Variants in ABCA5 observed in about 807,000 individuals in gnomAD.
ABCA5 encodes the protein ATP binding cassette subfamily A member 5.
A neutral mutation model predicts 206.0 loss-of-function variants in ABCA5; 163 were observed. The ratio of observed to expected loss-of-function variants is 0.79; its 90% confidence interval spans 0.70 to 0.90. ABCA5 has a LOEUF of 0.90. Among genes scored for constraint, ABCA5 ranks in the 40% least tolerant of loss-of-function variants. The pLI is 0.00. For synonymous variants in ABCA5, 609 were observed against 613.8 expected (o/e 0.99, Z 0.11); for missense variants, 1,859 against 1,912.9 (o/e 0.97, Z 0.53).
rs79372941 is a variant in ABCA5, at chr17:69,244,727, T to C, written c.*2810A>G. 211 of 151,536 alleles carry C rather than the reference T, an allele frequency of 1.4e-3. No homozygotes were observed. The highest frequency in any genetic ancestry group is 5.0e-3 in the African/African-American group (208 of 41,474). 9.4% of individuals were successfully genotyped at this position (151,536 alleles called of 1,614,324 possible). On this transcript the variant is annotated 3_prime_UTR_variant, in exon 39 of 39. Transcript: ENST00000392676. The stretch of plus-strand genomic sequence containing the variant: ...AATACAGTATGGTATTTTAACAAAC[T>C]CAGGGCACAATTAGAATGAAGTTTT...
chr17:69,307,257 T>C lies in ABCA5; in HGVS notation c.559-303A>G, dbSNP rs950381344. On this transcript the variant is annotated intron_variant, in intron 5 of 38. Coordinates refer to ENST00000392676, the MANE Select transcript of ABCA5 (RefSeq NM_172232.4). ...CACAATTATCATCTTAAGCAGACAATTATATGTATCTTAGTAAAAATATAC... is the reference window on the plus strand; with the variant it reads ...CACAATTATCATCTTAAGCAGACAACTATATGTATCTTAGTAAAAATATAC... Among the ~76,000 whole-genome samples, 12 of 152,200 alleles carry C rather than the reference T, an allele frequency of 7.9e-5. No individual in the cohort carries two copies. In the East Asian group the frequency reaches 2.3e-3, roughly 29 times the overall value.
At chr17:69,316,770 G>C (rs1402062295) in intron 1 of ABCA5, 1 of 152,166 alleles carries the variant, frequency 6.6e-6, no homozygotes, top group African/African-American at 2.4e-5. Context: ...CTTGAAAGCA[G>C]TCAGAGAACA....
In ABCA5 at chr17:69,285,943, G is replaced by A; in HGVS notation, c.2227C>T (p.Gln743Ter). 6.2e-7 allele frequency: 1 copy of A among 1,613,262 alleles called. No individual in the cohort carries two copies. The change falls in exon 17 of 39, where the codon CAA becomes TAA. Residue 743 changes from glutamine (Q) to a stop codon, truncating the protein, a stop_gained. Transcript: ENST00000392676. LOFTEE classifies it high-confidence loss of function. ...GATLLQQNDQ[Q>*]LVYSLPFKDM... ...TTGAAAGGCAAGCTATACACAAGTT[G>A]TTGGTCATTCTGTTGTAATAAAGTA...
At position 69,284,072 on chromosome 17, in the gene ABCA5, C is replaced by A. The variant is rs1344645130; in HGVS notation, c.2273G>T (p.Gly758Val). The A allele has an allele frequency of 1.3e-6, 2 of 1,548,008 alleles. No individual in the cohort carries two copies. The highest frequency in any genetic ancestry group is 2.2e-5 in the Admixed American group (1 of 45,712). The change falls in exon 18 of 39, where the codon GGT (glycine) becomes GTT (valine). Residue 758 changes from glycine to valine, a missense_variant and splice_region_variant. By Grantham distance (109) the Gly-to-Val change is moderately radical. Transcript: ENST00000392676. ...LPFKDMDKFS[G>V]LFSALDSHSN... The stretch of plus-strand genomic sequence containing the variant: ...ATGACTGTCTAGGGCAGAAAACAAA[C>A]CTAAAAGAAAAAAATGAAAGAATAG...
In ABCA5 at chr17:69,286,238, C is replaced by G. The variant is rs1567767466; in HGVS notation, c.2115G>C (p.Gly705=). The change falls in exon 16 of 39, where the codon GGG becomes GGC. Residue 705 remains glycine, a synonymous_variant. Coordinates refer to ENST00000392676, the MANE Select transcript of ABCA5 (RefSeq NM_172232.4). ...GSSMFLKSKW[G]IGYRLSMYID... ...AATGATACCTCAGGCGGTAGCCGAT[C>G]CCCCATTTACTTTTGAGGAACATTG... The G allele has an allele frequency of 3.1e-6, 5 of 1,600,170 alleles. No homozygotes were observed. The highest frequency in any genetic ancestry group is 4.3e-6 in the Non-Finnish European group (5 of 1,176,416).
chr17:69,276,918 A>C (rs902045218), intron 19 of ABCA5, among the ~76,000 whole-genome samples: 2 of 152,238 alleles, frequency 1.3e-5, no homozygotes, highest in African/African-American at 4.8e-5. Context: ...AATTTGGTCA[A>C]AGAAGAGCAT....
chr17:69,317,507 G>T lies in ABCA5; in HGVS notation c.-15-3077C>A, dbSNP rs542419550. On this transcript the variant is annotated intron_variant, in intron 1 of 38. Coordinates refer to ENST00000392676, the MANE Select transcript of ABCA5 (RefSeq NM_172232.4). Reference sequence around the variant, plus strand: ...GAAAGTCAGACTAAAAATGTCAAATGTTATATGATTCCCTTTATAGGAAAC... The same window carrying T: ...GAAAGTCAGACTAAAAATGTCAAATTTTATATGATTCCCTTTATAGGAAAC... Among the ~76,000 whole-genome samples the T allele has an allele frequency of 1.9e-3, 285 of 151,086 alleles. 1 individual carries two copies. The highest frequency in any genetic ancestry group is 3.1e-3 in the Non-Finnish European group (207 of 67,742).
At chr17:69,278,483 C>G (rs1369135432) in intron 18 of ABCA5, among the ~76,000 whole-genome samples, 2 of 152,158 alleles carry the variant, frequency 1.3e-5, no homozygotes, top group African/African-American at 4.8e-5. Context: ...CCAAATTCTG[C>G]CCTTCAACTT....
intron 3 of ABCA5, 88 bp downstream of exon 3, chr17:69,313,004 A>T: frequency 2.5e-6 from 2 of 791,106 alleles, no homozygotes; most frequent in Non-Finnish European, 3.7e-6. Context: ...TCTAAGTGTT[A>T]AGACTGCTAT....
rs1598166315 is a variant in ABCA5 at position 69,273,788 on chromosome 17, C to T, written c.2764+171G>A. 2.0e-5 allele frequency among the ~76,000 whole-genome samples: 3 copies of T among 152,150 alleles called. No homozygotes were observed. The South Asian group carries it at 6.2e-4, about 32-fold the overall frequency. ...TCATTTATTTGTAAACCAAAATTTA[C>T]TGTAATATATTCTTCAGCATCAATA... is the stretch of plus-strand genomic sequence containing the variant. On this transcript the variant is annotated intron_variant, in intron 20 of 38. Transcript: ENST00000392676.
intron 14 of ABCA5, among the ~76,000 whole-genome samples, chr17:69,288,162 CATG>C (rs1339150370): frequency 6.6e-6 from 1 of 152,022 alleles, no homozygotes; most frequent in African/African-American, 2.4e-5. Flanking sequence ...TAAAAAAGAA[CATG>C]GTGGTGGTGG....
chr17:69,262,255 CA>C (rs1352534894), intron 24 of ABCA5, among the ~76,000 whole-genome samples: 1 of 152,076 alleles, frequency 6.6e-6, no homozygotes, highest in African/African-American at 2.4e-5. Flanking sequence ...ACTTTAGAAT[CA>C]GGGGATACAT....
In ABCA5 at chr17:69,251,752, C is replaced by G. The variant is rs150696344; in HGVS notation, c.4530G>C (p.Gln1510His). Reference protein sequence around the residue: ...CDRVAIMVSGQLRCIGTVQHL... With the variant: ...CDRVAIMVSGHLRCIGTVQHL... ...CACGCTATTTAGACATCAACCTTAACTGCCCAGACACCATGATAGCTACTC... is the reference window on the plus strand; with the variant it reads ...CACGCTATTTAGACATCAACCTTAAGTGCCCAGACACCATGATAGCTACTC... Residue 1510 changes from glutamine (Q) to histidine (H), a missense_variant, in exon 35 of 39, where the codon CAG becomes CAC. Transcript: ENST00000392676. 8 of 1,612,400 alleles carry G rather than the reference C, an allele frequency of 5.0e-6. No individual in the cohort carries two copies. Among genetic ancestry groups the G allele is most frequent in the Non-Finnish European group, 6.8e-6 (8 of 1,179,698 alleles).
chr17:69,323,977 C>A (rs924915657), intron 1 of ABCA5, among the ~76,000 whole-genome samples: 1 of 152,162 alleles, frequency 6.6e-6, no homozygotes, highest in African/African-American at 2.4e-5. Flanking sequence ...CACAGCCATG[C>A]TCATTCATTT....
chr17:69,274,408 T>C (rs572628344), intron 19 of ABCA5, among the ~76,000 whole-genome samples: 3 of 151,946 alleles, frequency 2.0e-5, no homozygotes, highest in Non-Finnish European at 4.4e-5. Flanking sequence ...TTTATAGAGA[T>C]GGGGTTTCGC....
intron 36 of ABCA5, 74 bp from the exon 37 acceptor site, chr17:69,250,058 G>A: frequency 1.1e-6 from 1 of 945,374 alleles, no homozygotes; most frequent in Non-Finnish European, 1.5e-6. Context: ...AGTTCAACAT[G>A]TTTAAAATTC....
intron 26 of ABCA5, among the ~76,000 whole-genome samples, chr17:69,260,775 T>C (rs1164501475): frequency 6.6e-6 from 1 of 151,936 alleles, no homozygotes; most frequent in East Asian, 1.9e-4. Flanking sequence ...TATTTTTTCT[T>C]GGAGAAAATC....
At position 69,314,445 on chromosome 17, in the gene ABCA5, A is replaced by G; in HGVS notation, c.-15-15T>C. 2 of 1,466,334 alleles carry G rather than the reference A, an allele frequency of 1.4e-6. No individual in the cohort carries two copies. Among genetic ancestry groups the G allele is most frequent in the Non-Finnish European group, 1.9e-6 (2 of 1,056,130 alleles). The allele number at this position is 1,466,334 out of a possible 1,614,324, so 90.8% of individuals were successfully genotyped here. On this transcript the variant is annotated splice_polypyrimidine_tract_variant and intron_variant, in intron 1 of 38. Coordinates refer to ENST00000392676, the MANE Select transcript of ABCA5 (RefSeq NM_172232.4). The stretch of plus-strand genomic sequence containing the variant: ...TCTGAATAAACCTATTAAAGAGGAA[A>G]AACAAACAAACAAACCCGGAGCCAC...
At chr17:69,296,559 A>G (rs1310619102) in intron 10 of ABCA5, among the ~76,000 whole-genome samples, 1 of 152,238 alleles carries the variant, frequency 6.6e-6, no homozygotes, top group African/African-American at 2.4e-5. Flanking sequence ...TAGCATGAAC[A>G]AAATTATATA....
Sources: gnomAD v4.1 joint callset for allele counts (sites outside exome capture counted in the v4.1 genomes callset) on GRCh38, gnomAD v4.1.1 for gene constraint, MANE v1.5 for transcripts, NCBI Gene and HGNC (gene_info 2026-07-23, HGNC 2026-07-21) for gene names.